Variants in PDE3B observed in about 807,000 individuals in gnomAD.
The protein encoded by PDE3B is cGMP-inhibited 3',5'-cyclic phosphodiesterase 3B.
Under a neutral mutation model 116.8 loss-of-function variants are expected in PDE3B, and 66 were observed. The observed-to-expected ratio is 0.56, with a 90% confidence interval of 0.46 to 0.69. PDE3B has a LOEUF of 0.69. Ranked by LOEUF, PDE3B falls within the 30% of genes least tolerant of loss-of-function variation. PDE3B has a pLI of 0.00. For missense variants in PDE3B, 1,384 were observed against 1,368.1 expected (o/e 1.01, Z -0.18); for synonymous variants, 595 against 533.6 (o/e 1.12, Z -1.59).
intron 1 of PDE3B, chr11:14,673,590 C>T: frequency 1.8e-6 from 1 of 549,350 alleles, no homozygotes; most frequent in South Asian, 1.6e-5. Flanking sequence ...TCTCACATGG[C>T]TCTCAGGACG....
At chr11:14,868,793 T>A (rs1848092818) in intron 15 of PDE3B, among the ~76,000 whole-genome samples, 1 of 152,104 alleles carries the variant, frequency 6.6e-6, no homozygotes, top group South Asian at 2.1e-4. Flanking sequence ...ATTCTTTTTT[T>A]AAAAAAATGG....
In PDE3B at chr11:14,644,096, C is replaced by T. The variant is rs1378994827; in HGVS notation, c.21C>T (p.Asp7=). 2 of 1,563,840 alleles carry T rather than the reference C, an allele frequency of 1.3e-6. No individual in the cohort carries two copies. Among genetic ancestry groups the T allele is most frequent in the Non-Finnish European group, 1.7e-6 (2 of 1,165,126 alleles). ...CAGCCATGAGGAGGGACGAGCGAGA[C>T]GCCAAAGCCATGCGGTCCCTGCAGC... MRRDER[D]AKAMRSLQPP... Residue 7 remains aspartate, a synonymous_variant, in exon 1 of 16, where the codon GAC becomes GAT. Coordinates refer to ENST00000282096, the MANE Select transcript of PDE3B (RefSeq NM_000922.4).
Position 14,644,439 on chromosome 11 carries a change from C to T in PDE3B, c.364C>T (p.Leu122Phe), listed in dbSNP as rs756279830. 3.1e-6 allele frequency: 5 copies of T among 1,613,000 alleles called. No homozygotes were observed. Among genetic ancestry groups the T allele is most frequent in the Non-Finnish European group, 4.2e-6 (5 of 1,179,630 alleles). Residue 122 changes from leucine to phenylalanine, a missense_variant, in exon 1 of 16, where the codon CTC becomes TTC. Around this residue, in one of 2 missense-constraint regions of PDE3B, gnomAD observed 956 missense variants for 806.8 expected, o/e 1.18. Transcript: ENST00000282096. ...LSVCSHSLSP[L>F]FSIACAFFFL... ...CGTGTGTTCGCACAGCTTGAGCCCC[C>T]TCTTCAGCATCGCCTGTGCCTTCTT...
At chr11:14,683,047 C>A (rs1175099479) in intron 1 of PDE3B, among the ~76,000 whole-genome samples, 1 of 151,852 alleles carries the variant, frequency 6.6e-6, no homozygotes, top group African/African-American at 2.4e-5. Context: ...AAGTGATTCT[C>A]CTGCCTCAGC....
rs1404256513 is a variant in PDE3B at position 14,789,086 on chromosome 11, A to G, written c.1279-20A>G. ...ATATTAAAGAGTGACATTTTAAACC[A>G]TTGTTAAATTATTCAACAGGGACTA... On this transcript the variant is annotated intron_variant, in intron 3 of 15. Transcript: ENST00000282096. 4 of 1,577,448 alleles carry G rather than the reference A, an allele frequency of 2.5e-6. No homozygotes were observed. The highest frequency in any genetic ancestry group is 3.4e-6 in the Non-Finnish European group (4 of 1,159,718).
Position 14,644,787 on chromosome 11 carries a change from G to A in PDE3B, c.712G>A (p.Gly238Arg), listed in dbSNP as rs1488743606. 5 of 1,609,786 alleles carry A rather than the reference G, an allele frequency of 3.1e-6. No homozygotes were observed. Among genetic ancestry groups the A allele is most frequent in the Non-Finnish European group, 4.2e-6 (5 of 1,178,350 alleles). The change falls in exon 1 of 16, where the codon GGG (glycine) becomes AGG (arginine). Residue 238 changes from glycine (G) to arginine (R), a missense_variant. Physicochemically the swap from Gly to Arg is moderately radical, Grantham distance 125 (BLOSUM62 -2). This residue lies in a region of PDE3B where 956 missense variants were observed against 806.8 expected (regional missense o/e 1.18). Transcript: ENST00000282096. ...CTGGTGGGTCTCCTTCACCAGCCTC[G>A]GGTCGCTGCCCTCCGCCCTCAGGCC... Reference protein sequence around the residue: ...FVWWVSFTSLGSLPSALRPLL... With the variant: ...FVWWVSFTSLRSLPSALRPLL...
chr11:14,734,572 A>G lies in PDE3B; in HGVS notation c.979-37365A>G, dbSNP rs1590101061. Reference sequence around the variant, plus strand: ...CTCTCAGCATGTATTGCATGATTACATACTTTTTCTTCTTATATTAATAAT... The same window carrying G: ...CTCTCAGCATGTATTGCATGATTACGTACTTTTTCTTCTTATATTAATAAT... On this transcript the variant is annotated intron_variant, in intron 1 of 15. Transcript: ENST00000282096. Among the ~76,000 whole-genome samples, 4 of 152,188 alleles carry G rather than the reference A, an allele frequency of 2.6e-5. No individual in the cohort carries two copies. The South Asian group carries it at 8.3e-4, about 31-fold the overall frequency.
intron 14 of PDE3B, among the ~76,000 whole-genome samples, chr11:14,866,163 A>G (rs1555008013): frequency 1.3e-5 from 2 of 152,210 alleles, no homozygotes; most frequent in Non-Finnish European, 2.9e-5. Flanking sequence ...CTGATACATA[A>G]GTGCTCAATA....
chr11:14,717,824 A>C (rs1377828067), intron 1 of PDE3B, among the ~76,000 whole-genome samples: 133 of 137,368 alleles, frequency 9.7e-4, no homozygotes, highest in African/African-American at 3.4e-3. Flanking sequence ...TCATGCCAAA[A>C]TGTAAAGACC....
the PDE3B span, chr11:14,891,264 T>C: frequency 1.3e-4 from 125 of 984,716 alleles, no homozygotes; most frequent in South Asian, 9.9e-4. Context: ...TGGTTATGAG[T>C]TTTAAATGAG....
the PDE3B span, among the ~76,000 whole-genome samples, chr11:14,893,643 A>T: frequency 6.6e-6 from 1 of 152,046 alleles, no homozygotes; most frequent in South Asian, 2.1e-4. Context: ...TTCCTCTTCA[A>T]GGCCATTAAT....
At position 14,643,877 on chromosome 11, in the gene PDE3B, C is replaced by A; in HGVS notation, c.-199C>A. 1.4e-6 allele frequency: 1 copy of A among 719,536 alleles called. No individual in the cohort carries two copies. The highest frequency in any genetic ancestry group is 2.0e-6 in the Non-Finnish European group (1 of 489,400). The allele number at this position is 719,536 out of a possible 1,614,324, so 44.6% of individuals were successfully genotyped here. A position where few individuals can be genotyped will look rare whatever the true frequency, so the allele number is the denominator to read the frequency against. On this transcript the variant is annotated 5_prime_UTR_variant, in exon 1 of 16. Coordinates refer to ENST00000282096, the MANE Select transcript of PDE3B (RefSeq NM_000922.4). ...CTGGAGAGAAGCCCCTTCCGCCCCT[C>A]TCCTCAGCCAGCATGTCCCGGACTC... is the stretch of plus-strand genomic sequence containing the variant.
chr11:14,684,746 A>G (rs537102741), intron 1 of PDE3B, among the ~76,000 whole-genome samples: 1 of 152,176 alleles, frequency 6.6e-6, no homozygotes, highest in Non-Finnish European at 1.5e-5. Flanking sequence ...CAGAGTCTTC[A>G]TTATTAATAT....
chr11:14,786,818 G>A (rs1858217715), intron 3 of PDE3B, 133 bp downstream of exon 3: 1 of 657,608 alleles, frequency 1.5e-6, no homozygotes, highest in Non-Finnish European at 2.6e-6. Flanking sequence ...TGCTTGGGAT[G>A]TTAGAGGCAA....
chr11:14,650,598 A>G (rs1020576345), intron 1 of PDE3B, among the ~76,000 whole-genome samples: 5 of 152,190 alleles, frequency 3.3e-5, no homozygotes, highest in Admixed American at 6.5e-5. Context: ...GTCCTTAAAA[A>G]GTAGAAGAGA....
chr11:14,693,804 TA>T (rs1855120679), intron 1 of PDE3B, among the ~76,000 whole-genome samples: 1 of 152,054 alleles, frequency 6.6e-6, no homozygotes, highest in Non-Finnish European at 1.5e-5. Context: ...GATCAAGGAG[TA>T]ATTTTGACTT....
the PDE3B span, among the ~76,000 whole-genome samples, chr11:14,878,476 AC>A: frequency 1.3e-5 from 2 of 152,076 alleles, no homozygotes; most frequent in Non-Finnish European, 2.9e-5. Flanking sequence ...AGCAAGCAGA[AC>A]CCATTCATTT....
chr11:14,705,539 T>C (rs1855505923), intron 1 of PDE3B, among the ~76,000 whole-genome samples: 1 of 151,822 alleles, frequency 6.6e-6, no homozygotes, highest in Non-Finnish European at 1.5e-5. Context: ...GTGATGGAAA[T>C]GTTTTGTATT....
rs1857580999 is a variant in PDE3B at position 14,769,557 on chromosome 11, G to C, written c.979-2380G>C. 2.0e-5 allele frequency among the ~76,000 whole-genome samples: 3 copies of C among 148,362 alleles called. No homozygotes were observed. In the Admixed American group the frequency reaches 2.0e-4, roughly 10 times the overall value. On this transcript the variant is annotated intron_variant, in intron 1 of 15. Transcript: ENST00000282096. ...AGCAGCAGGACTACTTTTTATCAGTGTTTCTCCACCGTATTTTGATTACAA... is the reference window on the plus strand; with the variant it reads ...AGCAGCAGGACTACTTTTTATCAGTCTTTCTCCACCGTATTTTGATTACAA...
Sources: allele counts gnomAD v4.1 joint callset (sites outside exome capture counted in the v4.1 genomes callset), GRCh38; gene constraint gnomAD v4.1.1; regional missense constraint gnomAD v4.1.1; transcripts MANE v1.5; gene names NCBI Gene and HGNC (gene_info 2026-07-23, HGNC 2026-07-21).